GABRG3: variants seen among roughly 807,000 people sequenced by gnomAD.
GABRG3 encodes gamma-aminobutyric acid type A receptor subunit gamma3.
GABRG3 carries 25 observed loss-of-function variants against 48.8 expected under a neutral mutation model. The observed-to-expected ratio is 0.51, with a 90% CI of 0.37 to 0.72. The LOEUF (loss-of-function observed/expected upper bound fraction) is 0.72. Ranked by LOEUF, GABRG3 falls within the 30% of genes least tolerant of loss-of-function variation. GABRG3 has a pLI of 0.00. For synonymous variants in GABRG3, 227 were observed against 217.6 expected (o/e 1.04, Z -0.38); for missense variants, 394 against 577.9 (o/e 0.68, Z 3.26).
intron 6 of GABRG3, among the ~76,000 whole-genome samples, chr15:27,518,186 C>A (rs1891068449): frequency 3.4e-5 from 3 of 88,648 alleles, no homozygotes; most frequent in Non-Finnish European, 3.9e-5. Flanking sequence ...CCCAACTCTA[C>A]TAAAAATACA....
At chr15:27,475,296 C>T (rs1889904369) in intron 5 of GABRG3, among the ~76,000 whole-genome samples, 1 of 152,118 alleles carries the variant, frequency 6.6e-6, no homozygotes, top group South Asian at 2.1e-4. Context: ...TGTCTCAGTG[C>T]CTCAGCTTTC....
chr15:27,050,547 A>G (rs1389987902), intron 3 of GABRG3, among the ~76,000 whole-genome samples: 2 of 152,166 alleles, frequency 1.3e-5, no homozygotes, highest in Admixed American at 1.3e-4. Context: ...TTTTACTACC[A>G]GTAAAGCTGT....
intron 5 of GABRG3, among the ~76,000 whole-genome samples, chr15:27,385,403 G>A (rs1004722370): frequency 1.3e-5 from 2 of 151,192 alleles, no homozygotes; most frequent in African/African-American, 4.9e-5. Context: ...ACATGTAGAT[G>A]GAGGTTTGAA....
chr15:27,382,679 A>G (rs1473237827), intron 5 of GABRG3, among the ~76,000 whole-genome samples: 3 of 152,196 alleles, frequency 2.0e-5, no homozygotes, highest in African/African-American at 7.2e-5. Flanking sequence ...GGTTTGCACT[A>G]CTGTGTTTCA....
intron 3 of GABRG3, among the ~76,000 whole-genome samples, chr15:27,293,701 AC>A (rs1457329559): frequency 6.6e-6 from 1 of 152,080 alleles, no homozygotes; most frequent in East Asian, 1.9e-4. Context: ...AAAAAAAAAA[AC>A]AGAACAAAAC....
At chr15:27,341,110 A>C (rs1045893910) in intron 5 of GABRG3, 4 of 320,442 alleles carry the variant, frequency 1.2e-5, no homozygotes, top group African/African-American at 2.2e-5. Context: ...TTTATTATCT[A>C]GTTCCAGATT....
At position 27,049,799 on chromosome 15, in the gene GABRG3, G is replaced by A. The variant is rs1896426364; in HGVS notation, c.270+22978G>A. Among the ~76,000 whole-genome samples the A allele has an allele frequency of 2.6e-5, 4 of 152,238 alleles. No homozygotes were observed. In the South Asian group the frequency reaches 6.2e-4, roughly 24 times the overall value. On this transcript the variant is annotated intron_variant, in intron 3 of 9. Coordinates refer to ENST00000615808, the MANE Select transcript of GABRG3 (RefSeq NM_033223.5). ...TGCACGCTGCTAGACCAGGAGAAGA[G>A]CAGGGCTCTGGGAGGGGCACAGTGA...
intron 3 of GABRG3, among the ~76,000 whole-genome samples, chr15:27,071,079 C>T (rs140817674): frequency 6.6e-6 from 1 of 152,284 alleles, no homozygotes; most frequent in East Asian, 1.9e-4. Context: ...TTTTCAAAAT[C>T]TGGGCTCCCT....
At chr15:27,276,914 A>G (rs1364123262) in intron 3 of GABRG3, among the ~76,000 whole-genome samples, 4 of 152,250 alleles carry the variant, frequency 2.6e-5, no homozygotes, top group Admixed American at 2.6e-4. Flanking sequence ...TCTATTCTAT[A>G]TCACTTCTTC....
intron 2 of GABRG3, among the ~76,000 whole-genome samples, chr15:27,006,850 T>C (rs1266807592): frequency 3.0e-5 from 2 of 65,694 alleles, no homozygotes; most frequent in East Asian, 4.9e-4. Context: ...TTTTTTTTTC[T>C]TTTTTTTGAG....
chr15:27,278,977 C>T (rs1891345330), intron 3 of GABRG3, among the ~76,000 whole-genome samples: 2 of 152,192 alleles, frequency 1.3e-5, no homozygotes, highest in South Asian at 4.1e-4. Context: ...CCTCTCCAGC[C>T]TGTGCTGTTA....
intron 3 of GABRG3, among the ~76,000 whole-genome samples, chr15:27,324,095 C>T (rs1195030988): frequency 6.6e-6 from 1 of 152,218 alleles, no homozygotes; most frequent in Admixed American, 6.5e-5. Flanking sequence ...CTATCATGAT[C>T]TGTATCTAGC....
chr15:27,307,769 CAT>C (rs1358138865), intron 3 of GABRG3, among the ~76,000 whole-genome samples: 1,310 of 105,202 alleles, frequency 0.012, 34 homozygotes, highest in African/African-American at 0.045. Context: ...ATAAAATAAA[CAT>C]ATGTTTATAT....
chr15:27,472,226 A>G (rs1889807960), intron 5 of GABRG3, among the ~76,000 whole-genome samples: 1 of 151,860 alleles, frequency 6.6e-6, no homozygotes, highest in African/African-American at 2.4e-5. Flanking sequence ...CTACTAGTTT[A>G]TTAATTAATT....
intron 3 of GABRG3, among the ~76,000 whole-genome samples, chr15:27,275,905 G>A (rs1166878208): frequency 6.6e-6 from 1 of 152,146 alleles, no homozygotes; most frequent in Non-Finnish European, 1.5e-5. Context: ...AGAAAGTAGG[G>A]GGCTCTGAGA....
chr15:27,051,425 T>C (rs1343608830), intron 3 of GABRG3, among the ~76,000 whole-genome samples: 1 of 152,200 alleles, frequency 6.6e-6, no homozygotes, highest in Non-Finnish European at 1.5e-5. Flanking sequence ...GGACTGAATT[T>C]TGTGTCTCCC....
intron 2 of GABRG3, among the ~76,000 whole-genome samples, chr15:26,984,017 C>A (rs1895104416): frequency 6.6e-6 from 1 of 152,108 alleles, no homozygotes; most frequent in Admixed American, 6.5e-5. Context: ...TTGTCGCCCC[C>A]TACAGGAAGC....
intron 2 of GABRG3, among the ~76,000 whole-genome samples, chr15:26,992,764 T>C (rs1228938856): frequency 6.6e-6 from 1 of 152,148 alleles, no homozygotes; most frequent in Non-Finnish European, 1.5e-5. Flanking sequence ...CCTCTATTTT[T>C]AGGAACAGTT....
intron 3 of GABRG3, among the ~76,000 whole-genome samples, chr15:27,178,674 T>A (rs1398577537): frequency 6.6e-6 from 1 of 152,186 alleles, no homozygotes; most frequent in Non-Finnish European, 1.5e-5. Flanking sequence ...TATGGACAGT[T>A]GTGTAGAAAT....
Sources: allele counts gnomAD v4.1 joint callset (sites outside exome capture counted in the v4.1 genomes callset), GRCh38; gene constraint gnomAD v4.1.1; transcripts MANE v1.5; gene names NCBI Gene and HGNC (gene_info 2026-07-23, HGNC 2026-07-21).